The following SOX5 variants were observed in gnomAD, a reference collection of about 807,000 sequenced individuals.
SOX5 encodes the protein SRY-box transcription factor 5.
In SOX5, 9 loss-of-function variants were observed where a neutral mutation model predicts 92.0. The ratio of observed to expected loss-of-function variants is 0.10; its 90% CI spans 0.06 to 0.17. The LOEUF is 0.17. SOX5 is among the 10% of genes least tolerant of loss of function. SOX5 has a pLI of 1.00. For missense variants in SOX5, 642 were observed against 944.5 expected (o/e 0.68, Z 4.20); for synonymous variants, 344 against 336.3 (o/e 1.02, Z -0.25).
At chr12:23,975,757 C>T (rs572063083) in intron 4 of SOX5, among the ~76,000 whole-genome samples, 3 of 152,230 alleles carry the variant, frequency 2.0e-5, no homozygotes, top group African/African-American at 7.2e-5. Flanking sequence ...AAATAAAGCA[C>T]GTAGAAGAGT....
chr12:24,362,985 TCA>T (rs1166810784), intron 2 of SOX5, among the ~76,000 whole-genome samples: 2 of 151,996 alleles, frequency 1.3e-5, no homozygotes, highest in South Asian at 2.1e-4. Flanking sequence ...AATTCATCAT[TCA>T]CAGATACGTA....
intron 1 of SOX5, among the ~76,000 whole-genome samples, chr12:23,932,771 A>G (rs1057009064): frequency 6.6e-6 from 1 of 151,622 alleles, no homozygotes. Flanking sequence ...AGCAAATGTA[A>G]AATCAAAAAT....
At chr12:24,304,440 T>A (rs1486996583) in intron 2 of SOX5, among the ~76,000 whole-genome samples, 2 of 152,158 alleles carry the variant, frequency 1.3e-5, no homozygotes, top group Non-Finnish European at 2.9e-5. Context: ...TCTTCAGTGC[T>A]ATAATTCAGA....
rs373736141 is a variant in SOX5, at chr12:24,348,742, G to A, written c.-174+19821C>T. Among the ~76,000 whole-genome samples, 47 of 152,184 alleles carry A rather than the reference G, an allele frequency of 3.1e-4. No individual in the cohort carries two copies. The East Asian group carries it at 4.8e-3, about 16-fold the overall frequency. On this transcript the variant is annotated intron_variant, in intron 2 of 4. Coordinates refer to the SOX5 transcript ENST00000446891. ...TCCCCCTCAAATCTTATCTTGAATTGTAGCTCCCATAATCCCCATGTGTCA... is the reference window on the plus strand; with the variant it reads ...TCCCCCTCAAATCTTATCTTGAATTATAGCTCCCATAATCCCCATGTGTCA...
At chr12:23,868,155 C>T (rs11047139) in intron 2 of SOX5, among the ~76,000 whole-genome samples, 48,223 of 151,054 alleles carry the variant, frequency 0.32, 8,888 homozygotes, top group East Asian at 0.8. Flanking sequence ...TGTGTAAAAA[C>T]ATCACCTGCT....
At chr12:23,564,239 A>G (rs1377629756) in intron 10 of SOX5, among the ~76,000 whole-genome samples, 4 of 152,244 alleles carry the variant, frequency 2.6e-5, no homozygotes, top group Non-Finnish European at 5.9e-5. Flanking sequence ...TTTTATTTTT[A>G]ACACTGGTCA....
intron 1 of SOX5, among the ~76,000 whole-genome samples, chr12:24,389,800 G>A (rs868669547): frequency 6.6e-5 from 10 of 152,188 alleles, no homozygotes; most frequent in Non-Finnish European, 1.2e-4. Context: ...GGAGCTGCCT[G>A]ACTGTTTTCC....
intron 7 of SOX5, among the ~76,000 whole-genome samples, chr12:23,655,709 A>G (rs899790001): frequency 6.6e-6 from 1 of 152,106 alleles, no homozygotes; most frequent in Non-Finnish European, 1.5e-5. Flanking sequence ...CTAAATCACT[A>G]CAATGGTAAG....
At chr12:23,949,053 T>C (rs536776721) in intron 1 of SOX5, among the ~76,000 whole-genome samples, 39 of 152,202 alleles carry the variant, frequency 2.6e-4, no homozygotes, top group African/African-American at 8.4e-4. Flanking sequence ...CTCTCTTATA[T>C]CAACAAAAGG....
intron 4 of SOX5, among the ~76,000 whole-genome samples, chr12:23,970,577 T>A (rs1222273583): frequency 6.6e-6 from 1 of 151,828 alleles, no homozygotes; most frequent in Non-Finnish European, 1.5e-5. Context: ...TGGCTTATTT[T>A]ACTGAGCATA....
chr12:24,062,340 A>G (rs538265992), intron 4 of SOX5, among the ~76,000 whole-genome samples: 40 of 152,302 alleles, frequency 2.6e-4, no homozygotes, highest in South Asian at 8.3e-4. Flanking sequence ...AGCAAAGTTG[A>G]TCTTTACCAT....
At chr12:24,124,315 G>C (rs1948898724) in intron 4 of SOX5, among the ~76,000 whole-genome samples, 1 of 152,148 alleles carries the variant, frequency 6.6e-6, no homozygotes, top group South Asian at 2.1e-4. Context: ...TTGGAAAGCA[G>C]AATGATGCTA....
rs747032722 is a variant in SOX5, at chr12:23,728,075, CAG to C, written c.810+6607_810+6608del. ...AAGTGGCTCCCTCTGAGTGAAAGGA[CAG>C]GGCTGCAGGCAGTTATCCTTACGAA... On this transcript the variant is annotated intron_variant, in intron 6 of 14. Coordinates refer to ENST00000451604, the MANE Select transcript of SOX5 (RefSeq NM_006940.6). 4.9e-3 allele frequency among the ~76,000 whole-genome samples: 753 copies of C among 152,250 alleles called. 2 individuals are homozygous for C. The highest frequency in any genetic ancestry group is 6.2e-3 in the Non-Finnish European group (420 of 68,018).
intron 4 of SOX5, among the ~76,000 whole-genome samples, chr12:24,186,463 T>G (rs34363235): frequency 6.6e-6 from 1 of 152,170 alleles, no homozygotes; most frequent in Non-Finnish European, 1.5e-5. Flanking sequence ...AGCACTCATT[T>G]GAAGCAATAT....
chr12:24,364,331 A>C (rs1486163000), intron 2 of SOX5, among the ~76,000 whole-genome samples: 1 of 151,920 alleles, frequency 6.6e-6, no homozygotes, highest in Admixed American at 6.6e-5. Flanking sequence ...ACACCTACAC[A>C]GCCAAATTGG....
chr12:24,327,141 TA>T (rs1311454789), intron 2 of SOX5, among the ~76,000 whole-genome samples: 7 of 152,214 alleles, frequency 4.6e-5, no homozygotes, highest in African/African-American at 1.7e-4. Context: ...ACGTGATGAT[TA>T]AGCTAATCCT....
chr12:24,359,921 T>C (rs955681072), intron 2 of SOX5, among the ~76,000 whole-genome samples: 1 of 152,308 alleles, frequency 6.6e-6, no homozygotes, highest in African/African-American at 2.4e-5. Flanking sequence ...ACTAGATTTT[T>C]AGCTTATAAT....
chr12:24,025,132 A>G (rs1954740312), intron 4 of SOX5, among the ~76,000 whole-genome samples: 1 of 152,058 alleles, frequency 6.6e-6, no homozygotes, highest in Non-Finnish European at 1.5e-5. Flanking sequence ...TGTATAAAAT[A>G]TAAAAGAGAA....
At chr12:24,025,689 G>A (rs916480241) in intron 4 of SOX5, among the ~76,000 whole-genome samples, 6 of 151,836 alleles carry the variant, frequency 4.0e-5, no homozygotes, top group African/African-American at 1.5e-4. Context: ...TAAACAAGCG[G>A]GCAATGTCAA....
Sources: gnomAD v4.1 joint callset for allele counts (sites outside exome capture counted in the v4.1 genomes callset) on GRCh38, gnomAD v4.1.1 for gene constraint, MANE v1.5 for transcripts, NCBI Gene and HGNC (gene_info 2026-07-23, HGNC 2026-07-21) for gene names.